PCDH9: variants seen among roughly 807,000 people sequenced by gnomAD.
The protein encoded by PCDH9 is protocadherin 9.
Under a neutral mutation model 70.6 loss-of-function variants are expected in PCDH9, and 24 were observed. The ratio of observed to expected loss-of-function variants is 0.34; its 90% CI spans 0.25 to 0.48. PCDH9 has a LOEUF of 0.48. PCDH9 is among the 20% of genes least tolerant of loss of function. The probability of loss-of-function intolerance (pLI) is 0.99; values close to 1 mark genes in which losing one functional copy is unlikely to be tolerated. For synonymous variants in PCDH9, 562 were observed against 558.5 expected (o/e 1.01, Z -0.09); for missense variants, 1,281 against 1,503.6 (o/e 0.85, Z 2.45).
intron 4 of PCDH9, among the ~76,000 whole-genome samples, chr13:66,413,318 A>T (rs930694324): frequency 6.6e-6 from 1 of 152,178 alleles, no homozygotes; most frequent in Non-Finnish European, 1.5e-5. Flanking sequence ...ATCTCCCTAT[A>T]CCCACATGGC....
chr13:67,154,612 A>G (rs1245559250), intron 2 of PCDH9, among the ~76,000 whole-genome samples: 1 of 104,498 alleles, frequency 9.6e-6, no homozygotes, highest in Non-Finnish European at 2.3e-5. Context: ...ATATACACAC[A>G]CACACACACA....
intron 4 of PCDH9, among the ~76,000 whole-genome samples, chr13:66,526,533 G>C (rs993542697): frequency 4.2e-5 from 5 of 120,086 alleles, no homozygotes; most frequent in Non-Finnish European, 9.2e-5. Context: ...CTCTCTCTCT[G>C]TCTCTGTCTC....
At chr13:66,607,970 A>G (rs2138862100) in intron 4 of PCDH9, among the ~76,000 whole-genome samples, 1 of 152,286 alleles carries the variant, frequency 6.6e-6, no homozygotes, top group African/African-American at 2.4e-5. Flanking sequence ...AACACACTGT[A>G]ACATGGGAAG....
At chr13:66,426,718 T>C (rs934373654) in intron 4 of PCDH9, among the ~76,000 whole-genome samples, 1 of 151,608 alleles carries the variant, frequency 6.6e-6, no homozygotes, top group Non-Finnish European at 1.5e-5. Context: ...GCATTTTTAC[T>C]GTCATCTTAA....
At chr13:66,849,093 T>C (rs1594145355) in intron 3 of PCDH9, among the ~76,000 whole-genome samples, 1 of 152,238 alleles carries the variant, frequency 6.6e-6, no homozygotes, top group East Asian at 1.9e-4. Context: ...GCAACTTTTA[T>C]CATCTATTCA....
intron 3 of PCDH9, among the ~76,000 whole-genome samples, chr13:66,821,874 C>T (rs1028414057): frequency 2.0e-5 from 3 of 152,172 alleles, no homozygotes; most frequent in African/African-American, 7.2e-5. Flanking sequence ...TTATCCTGCA[C>T]ATTCATTTTC....
chr13:66,950,914 T>C (rs2083168842), intron 2 of PCDH9, among the ~76,000 whole-genome samples: 1 of 152,166 alleles, frequency 6.6e-6, no homozygotes, highest in South Asian at 2.1e-4. Flanking sequence ...TAAGGACAGC[T>C]GGTTGAATGT....
intron 4 of PCDH9, among the ~76,000 whole-genome samples, chr13:66,573,395 G>T (rs1393574904): frequency 6.6e-6 from 1 of 150,798 alleles, no homozygotes; most frequent in African/African-American, 2.4e-5. Flanking sequence ...TCACTCGGTT[G>T]ATTGTTTCTT....
intron 4 of PCDH9, among the ~76,000 whole-genome samples, chr13:66,541,450 T>C (rs1960949336): frequency 6.6e-6 from 1 of 152,196 alleles, no homozygotes; most frequent in African/African-American, 2.4e-5. Flanking sequence ...GGTGTCAGCA[T>C]GAAGATATTC....
chr13:67,132,219 T>A (rs1221277099), intron 2 of PCDH9, among the ~76,000 whole-genome samples: 1 of 152,160 alleles, frequency 6.6e-6, no homozygotes, highest in African/African-American at 2.4e-5. Context: ...ATTACTTCAG[T>A]TTCAATTTTC....
At chr13:67,165,067 G>A (rs370401185) in intron 2 of PCDH9, among the ~76,000 whole-genome samples, 3 of 152,080 alleles carry the variant, frequency 2.0e-5, no homozygotes, top group Non-Finnish European at 4.4e-5. Context: ...ACTTGATAAA[G>A]TGTGTTGAAA....
chr13:67,017,844 G>C (rs911983978), intron 2 of PCDH9, among the ~76,000 whole-genome samples: 6 of 152,104 alleles, frequency 3.9e-5, no homozygotes, highest in African/African-American at 1.4e-4. Context: ...ACTGTACACA[G>C]AGAAAAATTA....
intron 3 of PCDH9, among the ~76,000 whole-genome samples, chr13:66,648,742 G>A (rs1411718715): frequency 6.6e-6 from 1 of 151,896 alleles, no homozygotes; most frequent in African/African-American, 2.4e-5. Context: ...AAGGCATCAA[G>A]GATCAATCCT....
chr13:66,924,962 G>A (rs34948729), intron 2 of PCDH9, among the ~76,000 whole-genome samples: 25,407 of 151,566 alleles, frequency 0.17, 2,522 homozygotes, highest in East Asian at 0.35. Flanking sequence ...ATGTATAAAT[G>A]AATGACACAA....
intron 4 of PCDH9, among the ~76,000 whole-genome samples, chr13:66,435,661 C>G (rs114606436): frequency 0.013 from 1,933 of 152,180 alleles, 43 homozygotes; most frequent in African/African-American, 0.045. Context: ...TTCATTAAGA[C>G]AAAGGAGAAA....
At chr13:66,733,244 T>C in intron 3 of PCDH9, among the ~76,000 whole-genome samples, 1 of 152,128 alleles carries the variant, frequency 6.6e-6, no homozygotes, top group East Asian at 1.9e-4. Context: ...TTTCCATCTC[T>C]CAAAATGTCC....
chr13:66,636,920 A>G (rs1443126113), intron 3 of PCDH9, among the ~76,000 whole-genome samples: 1 of 152,124 alleles, frequency 6.6e-6, no homozygotes, highest in Non-Finnish European at 1.5e-5. Context: ...AAATATTTTC[A>G]TATATATCTC....
chr13:66,722,891 C>A (rs1192644849), intron 3 of PCDH9, among the ~76,000 whole-genome samples: 1 of 151,196 alleles, frequency 6.6e-6, no homozygotes, highest in Non-Finnish European at 1.5e-5. Flanking sequence ...TTGCTTGAAC[C>A]CAGGAGGCGG....
intron 4 of PCDH9, among the ~76,000 whole-genome samples, chr13:66,540,430 T>C (rs1324298777): frequency 6.6e-6 from 1 of 152,176 alleles, no homozygotes; most frequent in Non-Finnish European, 1.5e-5. Flanking sequence ...AAGTTAAAGG[T>C]AACTTCTGCT....
Sources: gnomAD v4.1 joint callset for allele counts (sites outside exome capture counted in the v4.1 genomes callset) on GRCh38, gnomAD v4.1.1 for gene constraint, MANE v1.5 for transcripts, NCBI Gene and HGNC (gene_info 2026-07-23, HGNC 2026-07-21) for gene names.